The following CCN4 variants were observed in gnomAD, a reference collection of about 807,000 sequenced individuals.
CCN4 encodes CCN family member 4.
A neutral mutation model predicts 36.7 loss-of-function variants in CCN4; 30 were observed. The ratio of observed to expected loss-of-function variants is 0.82; its 90% CI spans 0.61 to 1.11. The LOEUF (loss-of-function observed/expected upper bound fraction) is 1.11, where lower values mean the gene tolerates loss of function less well. Among genes scored for constraint, CCN4 ranks in the 50% least tolerant of loss-of-function variants. The pLI is 0.00. For missense variants in CCN4, 505 were observed against 504.9 expected (o/e 1.00, Z 0.00); for synonymous variants, 191 against 195.4 (o/e 0.98, Z 0.19).
At position 133,225,438 on chromosome 8, in the gene CCN4, C is replaced by G. The variant is rs576745270; in HGVS notation, c.659C>G (p.Thr220Arg). Residue 220 changes from threonine (T) to arginine (R), a missense_variant, in exon 4 of 5, where the codon ACA (threonine) becomes AGA (arginine). Thr to Arg is a moderately conservative substitution (Grantham distance 71, BLOSUM62 -1). Transcript: ENST00000250160. Reference protein sequence around the residue: ...EAWHRNCIAYTSPWSPCSTSC... With the variant: ...EAWHRNCIAYRSPWSPCSTSC... Reference sequence around the variant, plus strand: ...TGGCACAGGAACTGCATAGCCTACACAAGCCCCTGGAGCCCTTGCTCCACC... The same window carrying G: ...TGGCACAGGAACTGCATAGCCTACAGAAGCCCCTGGAGCCCTTGCTCCACC... 6 of 1,613,764 alleles carry G rather than the reference C, an allele frequency of 3.7e-6. No individual in the cohort carries two copies. The African/African-American group carries it at 6.7e-5, about 18-fold the overall frequency.
chr8:133,191,841 G>A (rs544858336), intron 1 of CCN4, among the ~76,000 whole-genome samples: 6 of 152,300 alleles, frequency 3.9e-5, no homozygotes, highest in African/African-American at 1.4e-4. Context: ...CTTGGGTCCT[G>A]CCTATGAAGC....
intron 1 of CCN4, among the ~76,000 whole-genome samples, chr8:133,198,690 G>A (rs1853474713): frequency 6.6e-6 from 1 of 152,218 alleles, no homozygotes; most frequent in African/African-American, 2.4e-5. Flanking sequence ...ATCTTCCAGT[G>A]GGCACCCATG....
intron 1 of CCN4, among the ~76,000 whole-genome samples, chr8:133,200,566 G>A (rs1853554108): frequency 1.3e-5 from 2 of 152,236 alleles, no homozygotes; most frequent in African/African-American, 2.4e-5. Flanking sequence ...TGAATGAACT[G>A]GACAGTGGGC....
intron 3 of CCN4, among the ~76,000 whole-genome samples, chr8:133,224,211 A>C (rs10097685): frequency 1 from 135,773 of 135,774 alleles, 67,886 homozygotes; most frequent in Non-Finnish European, 1. Flanking sequence ...GGTGATTTGA[A>C]TTTGAAGCCC....
chr8:133,195,073 G>T (rs900050764), intron 1 of CCN4, among the ~76,000 whole-genome samples: 1 of 148,646 alleles, frequency 6.7e-6, no homozygotes, highest in African/African-American at 2.5e-5. Context: ...TATTATGTAT[G>T]TAGTGTGCTT....
chr8:133,220,226 C>T (rs190206406), intron 2 of CCN4, among the ~76,000 whole-genome samples: 4 of 152,290 alleles, frequency 2.6e-5, no homozygotes, highest in Admixed American at 2.6e-4. Flanking sequence ...CCTTCAGAAC[C>T]ATGAGCCCTA....
chr8:133,222,364 A>C (rs958779956), intron 3 of CCN4, among the ~76,000 whole-genome samples: 2 of 151,960 alleles, frequency 1.3e-5, no homozygotes, highest in Non-Finnish European at 2.9e-5. Context: ...CAAGAGAAGG[A>C]GCACATTTGG....
intron 1 of CCN4, among the ~76,000 whole-genome samples, chr8:133,212,227 G>C (rs1564259275): frequency 6.6e-6 from 1 of 152,168 alleles, no homozygotes; most frequent in Non-Finnish European, 1.5e-5. Context: ...TGCTGGCAAA[G>C]GAAGCGCCAA....
chr8:133,213,459 C>T (rs1854142105), intron 2 of CCN4, among the ~76,000 whole-genome samples: 1 of 152,082 alleles, frequency 6.6e-6, no homozygotes, highest in South Asian at 2.1e-4. Flanking sequence ...GTGGTAGGAT[C>T]TTTTAACAAA....
intron 2 of CCN4, among the ~76,000 whole-genome samples, chr8:133,217,268 AAAC>A (rs1854351477): frequency 6.6e-6 from 1 of 152,228 alleles, no homozygotes; most frequent in Non-Finnish European, 1.5e-5. Context: ...GAGGCAGCAA[AAAC>A]AAACAGAGCT....
chr8:133,213,752 A>G (rs1329128838), intron 2 of CCN4, among the ~76,000 whole-genome samples: 1 of 147,298 alleles, frequency 6.8e-6, no homozygotes, highest in Non-Finnish European at 1.5e-5. Flanking sequence ...TATACACTAT[A>G]AATATTATCT....
At position 133,229,642 on chromosome 8, in the gene CCN4, C is replaced by T. The variant is rs527777581; in HGVS notation, c.*1932C>T. On this transcript the variant is annotated 3_prime_UTR_variant, in exon 5 of 5. Transcript: ENST00000250160. Reference sequence around the variant, plus strand: ...CTCCTTACTGTGACCTCCCCAAAACCTAGTCCAGTGCAAGGTATACAGTGG... The same window carrying T: ...CTCCTTACTGTGACCTCCCCAAAACTTAGTCCAGTGCAAGGTATACAGTGG... 6.6e-6 allele frequency: 1 copy of T among 152,186 alleles called. No homozygotes were observed. The highest frequency in any genetic ancestry group is 1.5e-5 in the Non-Finnish European group (1 of 68,034). 9.4% of individuals were successfully genotyped at this position (152,186 alleles called of 1,614,324 possible). A position where few individuals can be genotyped will look rare whatever the true frequency, so the allele number is the denominator to read the frequency against.
intron 1 of CCN4, among the ~76,000 whole-genome samples, chr8:133,196,200 T>C (rs1853376957): frequency 6.6e-6 from 1 of 152,152 alleles, no homozygotes; most frequent in Non-Finnish European, 1.5e-5. Flanking sequence ...CACACACCTA[T>C]GAGGCAGCGG....
intron 1 of CCN4, 124 bp downstream of exon 1, chr8:133,191,337 T>G: frequency 8.6e-7 from 1 of 1,162,468 alleles, no homozygotes; most frequent in Non-Finnish European, 1.2e-6. Context: ...AGGTGGCCAC[T>G]TACAGGGCAA....
Position 133,227,647 on chromosome 8 carries a change from G to T in CCN4, c.1041G>T (p.Arg347Ser). Residue 347 changes from arginine to serine, a missense_variant, in exon 5 of 5, where the codon AGG (arginine) becomes AGT (serine). Coordinates refer to ENST00000250160, the MANE Select transcript of CCN4 (RefSeq NM_003882.4). ...CCTGCTTCTGTAACCTGAGCTGTAG[G>T]AATCCCAATGACATCTTTGCTGACT... is the stretch of plus-strand genomic sequence containing the variant. ...INACFCNLSC[R>S]NPNDIFADLE... The T allele has an allele frequency of 1.9e-6, 3 of 1,614,196 alleles. No homozygotes were observed. The South Asian group carries it at 3.3e-5, about 18-fold the overall frequency.
rs1177640934 is a variant in CCN4 at position 133,213,013 on chromosome 8, T to G, written c.219T>G (p.Cys73Trp). 6.2e-7 allele frequency: 1 copy of G among 1,614,150 alleles called. No homozygotes were observed. The highest frequency in any genetic ancestry group is 8.5e-7 in the Non-Finnish European group (1 of 1,180,006). ...PLGVSLITDGCECCKMCAQQL... is the reference protein window; with the variant it reads ...PLGVSLITDGWECCKMCAQQL... Reference sequence around the variant, plus strand: ...GGGTCAGCCTCATCACAGATGGCTGTGAGTGCTGTAAGATGTGCGCTCAGC... The same window carrying G: ...GGGTCAGCCTCATCACAGATGGCTGGGAGTGCTGTAAGATGTGCGCTCAGC... Residue 73 changes from cysteine (C) to tryptophan (W), a missense_variant, in exon 2 of 5, where the codon TGT becomes TGG. Transcript: ENST00000250160.
chr8:133,208,118 A>G (rs369291167), intron 1 of CCN4, among the ~76,000 whole-genome samples: 2 of 152,044 alleles, frequency 1.3e-5, no homozygotes, highest in African/African-American at 4.8e-5. Context: ...TAAGCAAGCC[A>G]CTTTACTGAT....
chr8:133,209,134 T>A (rs1026518449), intron 1 of CCN4, among the ~76,000 whole-genome samples: 5 of 152,210 alleles, frequency 3.3e-5, no homozygotes, highest in Non-Finnish European at 7.3e-5. Flanking sequence ...CCAGCTAAAC[T>A]GTCAGTGCTG....
chr8:133,225,383 C>A lies in CCN4; in HGVS notation c.611-7C>A. The A allele has an allele frequency of 6.3e-7, 1 of 1,589,452 alleles. No homozygotes were observed. The highest frequency in any genetic ancestry group is 1.1e-5 in the South Asian group (1 of 88,126). ...AGATTCATGCAGATTCTGTTCCCCA[C>A]ACACAGATGCTGTGGGTGAGGTGGA... On this transcript the variant is annotated splice_region_variant and splice_polypyrimidine_tract_variant and intron_variant, in intron 3 of 4. Transcript: ENST00000250160.
Sources: gnomAD v4.1 joint callset for allele counts (sites outside exome capture counted in the v4.1 genomes callset) on GRCh38, gnomAD v4.1.1 for gene constraint, MANE v1.5 for transcripts, NCBI Gene and HGNC (gene_info 2026-07-23, HGNC 2026-07-21) for gene names.